Variants in VPS39 observed in about 807,000 individuals in gnomAD.
VPS39 encodes VPS39 subunit of HOPS complex.
In VPS39, 70 loss-of-function variants were observed where a neutral mutation model predicts 121.0. The ratio of observed to expected loss-of-function variants is 0.58; its 90% CI spans 0.48 to 0.71. The LOEUF (loss-of-function observed/expected upper bound fraction) is 0.71, where lower values mean the gene tolerates loss of function less well. Among genes scored for constraint, VPS39 ranks in the 30% least tolerant of loss-of-function variants. VPS39 has a pLI of 0.00. For missense variants in VPS39, 818 were observed against 1,051.5 expected (o/e 0.78, Z 3.07); for synonymous variants, 378 against 398.1 (o/e 0.95, Z 0.60).
intron 2 of VPS39, among the ~76,000 whole-genome samples, chr15:42,198,293 TA>T (rs567754274): frequency 3.7e-4 from 57 of 152,368 alleles, no homozygotes; most frequent in Admixed American, 1.0e-3. Flanking sequence ...AATGTGAGCT[TA>T]ATTTTAAAAT....
chr15:42,166,576 A>G lies in VPS39; in HGVS notation c.1593T>C (p.Tyr531=). ...AGGCGGACTTACCCAGATGCTGCAG[A>G]TACTGCACTGTCCTCTCGTGGCCTT... ...PLKGHERTVQ[Y]LQHLGTENLH... is the part of the protein sequence containing the mutation. The change falls in exon 15 of 25, where the codon TAT becomes TAC. Residue 531 remains tyrosine, a synonymous_variant. Transcript: ENST00000318006. The G allele has an allele frequency of 6.2e-7, 1 of 1,614,230 alleles. No individual in the cohort carries two copies. Among genetic ancestry groups the G allele is most frequent in the Non-Finnish European group, 8.5e-7 (1 of 1,180,038 alleles).
intron 6 of VPS39, 108 bp from the exon 7 acceptor site, chr15:42,187,471 C>G: frequency 1.0e-6 from 1 of 991,560 alleles, no homozygotes; most frequent in South Asian, 1.7e-5. Context: ...TCACCCTCAT[C>G]GGGCACAATT....
chr15:42,178,306 A>G lies in VPS39; in HGVS notation c.872T>C (p.Phe291Ser). The change falls in exon 10 of 25, where the codon TTT (phenylalanine) becomes TCT (serine). Residue 291 changes from phenylalanine to serine, a missense_variant. Transcript: ENST00000318006. Reference protein sequence around the residue: ...SNIIYVASNHFVWRLIPVPMA... With the variant: ...SNIIYVASNHSVWRLIPVPMA... ...GGGGACAGGGATGAGTCTCCAAACA[A>G]AATGATTGCTGGCCACATAGATAAT... The G allele has an allele frequency of 6.2e-7, 1 of 1,614,198 alleles. No homozygotes were observed. Among genetic ancestry groups the G allele is most frequent in the Non-Finnish European group, 8.5e-7 (1 of 1,180,042 alleles).
At chr15:42,192,404 T>A (rs1277593141) in intron 2 of VPS39, among the ~76,000 whole-genome samples, 2 of 152,204 alleles carry the variant, frequency 1.3e-5, no homozygotes, top group African/African-American at 4.8e-5. Context: ...TGAGGGAGCC[T>A]ACAAGCAAAC....
chr15:42,194,118 C>T (rs4924630), intron 2 of VPS39, among the ~76,000 whole-genome samples: 22,119 of 152,110 alleles, frequency 0.15, 2,814 homozygotes, highest in African/African-American at 0.32. Flanking sequence ...ATAACTTGTA[C>T]TGCCTAACCA....
rs140723034 is a variant in VPS39 at position 42,182,824 on chromosome 15, A to C, written c.718+1693T>G. ...GCACTGATGAAGGCCCCAGGCACTAACGAAGGTTGGAAGACAGGAACTCTC... is the reference window on the plus strand; with the variant it reads ...GCACTGATGAAGGCCCCAGGCACTACCGAAGGTTGGAAGACAGGAACTCTC... On this transcript the variant is annotated intron_variant, in intron 8 of 24. Transcript: ENST00000318006. Among the ~76,000 whole-genome samples, 1,184 of 152,320 alleles carry C rather than the reference A, an allele frequency of 7.8e-3. 12 individuals carry two copies. The highest frequency in any genetic ancestry group is 0.027 in the African/African-American group (1,130 of 41,566).
intron 2 of VPS39, among the ~76,000 whole-genome samples, chr15:42,193,233 C>G (rs1159396279): frequency 6.6e-6 from 1 of 152,134 alleles, no homozygotes; most frequent in Non-Finnish European, 1.5e-5. Flanking sequence ...TAAATACATA[C>G]ATTTAAAAAC....
Position 42,167,464 on chromosome 15 carries a change from G to T in VPS39, c.1307C>A (p.Thr436Asn). Residue 436 changes from threonine to asparagine, a missense_variant, in exon 13 of 25, where the codon ACT (threonine) becomes AAT (asparagine). Thr to Asn is a moderately conservative substitution (Grantham distance 65). Transcript: ENST00000318006. Reference sequence around the variant, plus strand: ...CTTCTTCTTGGATTTGATGGTGGGAGTGCCTTCCATGAGCGGTGAGGTGCT... The same window carrying T: ...CTTCTTCTTGGATTTGATGGTGGGATTGCCTTCCATGAGCGGTGAGGTGCT... The part of the protein sequence containing the change: ...QSSTSPLMEG[T>N]PTIKSKKKLL... 6.2e-7 allele frequency: 1 copy of T among 1,614,170 alleles called. No individual in the cohort carries two copies.
chr15:42,184,423 C>T (rs2140868986), intron 8 of VPS39, 94 bp downstream of exon 8: 1 of 1,345,992 alleles, frequency 7.4e-7, no homozygotes, highest in South Asian at 1.6e-5. Flanking sequence ...ACAACGTAAA[C>T]CAGTCTGCTA....
In VPS39 at chr15:42,166,232, C is replaced by T. The variant is rs985354716; in HGVS notation, c.1607G>A (p.Gly536Asp). The stretch of plus-strand genomic sequence containing the variant: ...GAAAATCAAATGCAGGTTTTCTGTG[C>T]CTAGAAGGAAAAGCAGGACTTGTCA... Reference protein sequence around the residue: ...ERTVQYLQHLGTENLHLIFSY... With the variant: ...ERTVQYLQHLDTENLHLIFSY... The change falls in exon 16 of 25, where the codon GGC (glycine) becomes GAC (aspartate). Residue 536 changes from glycine (G) to aspartate (D), a missense_variant and splice_region_variant. Transcript: ENST00000318006. 6.2e-6 allele frequency: 10 copies of T among 1,614,004 alleles called. No individual in the cohort carries two copies. In the African/African-American group the frequency reaches 1.3e-4, roughly 22 times the overall value.
chr15:42,163,348 ACATCTTTGTTGC>A lies in VPS39; in HGVS notation c.2165_2175+1del, dbSNP rs777412847. On this transcript the variant is annotated splice_donor_variant and coding_sequence_variant, in exon 21 of 25. Coordinates refer to ENST00000318006, the MANE Select transcript of VPS39 (RefSeq NM_015289.5). LOFTEE classifies it high-confidence loss of function. The stretch of plus-strand genomic sequence containing the variant: ...GCTCCCTGGGTCAGGGTCACTACTC[ACATCTTTGTTGC>A]CATCTTTGTTTCGGTCATAGTGTTT... The A allele has an allele frequency of 6.2e-7, 1 of 1,614,130 alleles. No individual in the cohort carries two copies. The highest frequency in any genetic ancestry group is 8.5e-7 in the Non-Finnish European group (1 of 1,180,018).
rs1451571125 is a variant in VPS39 at position 42,164,858 on chromosome 15, TC to T, written c.1897+137del. On this transcript the variant is annotated intron_variant, in intron 18 of 24. Coordinates refer to ENST00000318006, the MANE Select transcript of VPS39 (RefSeq NM_015289.5). ...ATGTGCCAGGCTTGTGTCACTTAGC[TC>T]CCCTGGCTCCTCTTCAGAACTTCTG... 6 of 1,460,846 alleles carry T rather than the reference TC, an allele frequency of 4.1e-6. No individual in the cohort carries two copies. The African/African-American group carries it at 7.1e-5, about 17-fold the overall frequency. 90.5% of individuals were successfully genotyped at this position (1,460,846 alleles called of 1,614,324 possible).
chr15:42,207,958 C>G lies in VPS39; in HGVS notation c.73+123G>C. On this transcript the variant is annotated intron_variant, in intron 1 of 24. Coordinates refer to ENST00000318006, the MANE Select transcript of VPS39 (RefSeq NM_015289.5). ...TCTCTGCCTTCTCTCATCCTAAGCC[C>G]CTCTCGTGTAGCATCCAACCGAAGC... is the stretch of plus-strand genomic sequence containing the variant. The G allele has an allele frequency of 5.8e-6, 6 of 1,030,860 alleles. No homozygotes were observed. In the South Asian group the frequency reaches 9.0e-5, roughly 16 times the overall value. The allele number at this position is 1,030,860 out of a possible 1,614,324, so 63.9% of individuals were successfully genotyped here.
intron 1 of VPS39, among the ~76,000 whole-genome samples, chr15:42,205,069 C>T (rs1055511933): frequency 6.6e-6 from 1 of 152,058 alleles, no homozygotes; most frequent in African/African-American, 2.4e-5. Context: ...AAGCCTAATA[C>T]AGATTAGCAT....
intron 7 of VPS39, among the ~76,000 whole-genome samples, chr15:42,186,461 T>C (rs772055308): frequency 5.9e-5 from 9 of 151,706 alleles, no homozygotes; most frequent in Non-Finnish European, 1.3e-4. Flanking sequence ...AAATAACCAA[T>C]GAAGAGCTCA....
chr15:42,167,016 G>A (rs1471028471), intron 13 of VPS39, 103 bp from the exon 14 acceptor site: 1 of 1,503,054 alleles, frequency 6.7e-7, no homozygotes. Flanking sequence ...TGTAGCACAA[G>A]CAAGAGAAAG....
intron 15 of VPS39, 131 bp from the exon 16 acceptor site, chr15:42,166,363 G>T: frequency 8.6e-7 from 1 of 1,157,356 alleles, no homozygotes; most frequent in Non-Finnish European, 1.2e-6. Context: ...ACTTGGGGTT[G>T]TTAGCCCTAC....
chr15:42,203,470 T>C (rs1349619300), intron 1 of VPS39, among the ~76,000 whole-genome samples: 3 of 121,146 alleles, frequency 2.5e-5, no homozygotes, highest in Non-Finnish European at 4.7e-5. Flanking sequence ...CAGGACTCTG[T>C]CTCAAAAAAA....
Position 42,184,699 on chromosome 15 carries a change from A to C in VPS39, c.536T>G (p.Val179Gly), listed in dbSNP as rs773261221. 1.9e-6 allele frequency: 3 copies of C among 1,608,144 alleles called. No homozygotes were observed. Among genetic ancestry groups the C allele is most frequent in the South Asian group, 2.2e-5 (2 of 90,076 alleles). Residue 179 changes from valine to glycine, a missense_variant and splice_region_variant, in exon 8 of 25, where the codon GTG becomes GGG. Val to Gly is a moderately radical substitution (Grantham distance 109). Coordinates refer to ENST00000318006, the MANE Select transcript of VPS39 (RefSeq NM_015289.5). ...GFKRDYYLIR[V>G]DGKGSIKELF... is the part of the protein sequence containing the mutation. Reference sequence around the variant, plus strand: ...CTCTTTGATGGACCCCTTTCCATCCACCTATAGGAAGAAACAGAGTGAGTC... The same window carrying C: ...CTCTTTGATGGACCCCTTTCCATCCCCCTATAGGAAGAAACAGAGTGAGTC...
Sources: gnomAD v4.1 joint callset for allele counts (sites outside exome capture counted in the v4.1 genomes callset) on GRCh38, gnomAD v4.1.1 for gene constraint, MANE v1.5 for transcripts, NCBI Gene and HGNC (gene_info 2026-07-23, HGNC 2026-07-21) for gene names.